PPP4R2: variants seen among roughly 807,000 people sequenced by gnomAD.
PPP4R2 encodes serine/threonine-protein phosphatase 4 regulatory subunit 2.
PPP4R2 carries 13 observed loss-of-function variants against 47.2 expected under a neutral mutation model. The observed-to-expected ratio is 0.28, with a 90% confidence interval of 0.18 to 0.44. The LOEUF is 0.44. PPP4R2 is among the 20% of genes least tolerant of loss of function. PPP4R2 has a pLI of 1.00. For synonymous variants in PPP4R2, 151 were observed against 163.3 expected, an observed-to-expected ratio of 0.92 and a Z score of 0.57; for missense variants, 421 against 491.2, an observed-to-expected ratio of 0.86 and a Z score of 1.35.
intron 2 of PPP4R2, among the ~76,000 whole-genome samples, chr3:73,007,834 G>A (rs755590): frequency 0.39 from 58,562 of 151,986 alleles, 11,701 homozygotes; most frequent in African/African-American, 0.44. Context: ...TTTGTCTAAC[G>A]TAGTATTTCT....
chr3:73,062,208 A>C, intron 5 of PPP4R2: 2 of 1,586,078 alleles, frequency 1.3e-6, no homozygotes, highest in Non-Finnish European at 1.7e-6. Context: ...ATTAAGTCGG[A>C]ACCAATTTTC....
intron 3 of PPP4R2, among the ~76,000 whole-genome samples, chr3:73,058,388 TTG>T (rs1702771321): frequency 6.6e-6 from 1 of 152,110 alleles, no homozygotes; most frequent in African/African-American, 2.4e-5. Context: ...TGATTATTAT[TTG>T]TGTTACCTCT....
chr3:73,066,484 C>T lies in PPP4R2; in HGVS notation c.*762C>T, dbSNP rs573002292. 4.6e-5 allele frequency: 7 copies of T among 151,986 alleles called. No homozygotes were observed. The East Asian group carries it at 1.2e-3, about 25-fold the overall frequency. 9.4% of individuals were successfully genotyped at this position (151,986 alleles called of 1,614,324 possible). ...CAAGAGATCTGTTCAAACTCAAATT[C>T]TTTTGTATACTTCTGAGGTGCCTGA... On this transcript the variant is annotated 3_prime_UTR_variant, in exon 9 of 9. Transcript: ENST00000356692.
intron 2 of PPP4R2, among the ~76,000 whole-genome samples, chr3:73,041,363 A>C (rs1246104533): frequency 1.3e-5 from 2 of 152,216 alleles, no homozygotes; most frequent in African/African-American, 4.8e-5. Context: ...AATTTTATGT[A>C]AGCAACTCAG....
intron 2 of PPP4R2, among the ~76,000 whole-genome samples, chr3:73,039,145 C>CT (rs1231536824): frequency 2.0e-5 from 3 of 152,090 alleles, no homozygotes; most frequent in Non-Finnish European, 4.4e-5. Context: ...TTTTATGAGA[C>CT]TGAGTTTTGC....
intron 2 of PPP4R2, chr3:73,016,016 T>C (rs892032551): frequency 2.2e-5 from 4 of 182,036 alleles, no homozygotes; most frequent in Non-Finnish European, 4.7e-5. Flanking sequence ...ATCTGCCTGC[T>C]TCGGCCTCCC....
rs57719588 is a variant in PPP4R2 at position 73,034,846 on chromosome 3, T to TAAAAAA, written c.117-12332_117-12327dup. Among the ~76,000 whole-genome samples, 668 of 147,258 alleles carry TAAAAAA rather than the reference T, an allele frequency of 4.5e-3. 2 individuals carry two copies. The highest frequency in any genetic ancestry group is 0.016 in the African/African-American group (626 of 40,054). The stretch of plus-strand genomic sequence containing the variant: ...CTCTGCCTGGCCCTAGTTTTGTTCT[T>TAAAAAA]AAAAAAAAAAAAACATTTCCAACAG... On this transcript the variant is annotated intron_variant, in intron 2 of 8. Coordinates refer to ENST00000356692, the MANE Select transcript of PPP4R2 (RefSeq NM_174907.4).
intron 2 of PPP4R2, among the ~76,000 whole-genome samples, chr3:73,039,966 A>AT (rs1206429580): frequency 6.6e-6 from 1 of 152,202 alleles, no homozygotes; most frequent in Admixed American, 6.5e-5. Flanking sequence ...AGGCAGGAGA[A>AT]TTGCTTGAAC....
chr3:73,030,351 A>C (rs374804767), intron 2 of PPP4R2, among the ~76,000 whole-genome samples: 1 of 152,168 alleles, frequency 6.6e-6, no homozygotes, highest in African/African-American at 2.4e-5. Flanking sequence ...AACTGGTGGG[A>C]CCCTGGAAAT....
At chr3:73,001,708 G>T (rs559469338) in intron 2 of PPP4R2, among the ~76,000 whole-genome samples, 1 of 151,814 alleles carries the variant, frequency 6.6e-6, no homozygotes, top group Admixed American at 6.6e-5. Context: ...GCGCGATCTC[G>T]GCTCACTTCA....
chr3:73,063,197 C>T (rs1168424308), intron 5 of PPP4R2: 3 of 397,436 alleles, frequency 7.5e-6, no homozygotes, highest in Non-Finnish European at 1.4e-5. Flanking sequence ...GATGTTATAC[C>T]AGGATCAACC....
chr3:73,050,550 C>T (rs1702589626), intron 3 of PPP4R2, among the ~76,000 whole-genome samples: 1 of 152,034 alleles, frequency 6.6e-6, no homozygotes, highest in South Asian at 2.1e-4. Flanking sequence ...CACTCCTCCC[C>T]CCATTTGTAA....
intron 2 of PPP4R2, among the ~76,000 whole-genome samples, chr3:73,010,724 G>A (rs1701707021): frequency 6.6e-6 from 1 of 151,938 alleles, no homozygotes; most frequent in East Asian, 1.9e-4. Flanking sequence ...GCTAATTTTT[G>A]TATTTTTAGT....
At chr3:73,047,960 T>C (rs905583848) in intron 3 of PPP4R2, among the ~76,000 whole-genome samples, 1 of 152,250 alleles carries the variant, frequency 6.6e-6, no homozygotes, top group African/African-American at 2.4e-5. Flanking sequence ...CGCTGCAGTC[T>C]CTGTCTCCTG....
chr3:73,009,217 G>T (rs1701674325), intron 2 of PPP4R2, among the ~76,000 whole-genome samples: 1 of 152,166 alleles, frequency 6.6e-6, no homozygotes, highest in South Asian at 2.1e-4. Context: ...TGTTTGTCTG[G>T]GGGTGGTATT....
chr3:73,042,363 T>C (rs1702397157), intron 2 of PPP4R2, among the ~76,000 whole-genome samples: 1 of 4,174 alleles, frequency 2.4e-4, no homozygotes, highest in African/African-American at 6.3e-4. Context: ...TATAATTTCT[T>C]TTTTTTTTTT....
intron 2 of PPP4R2, among the ~76,000 whole-genome samples, chr3:73,031,239 A>G (rs999799017): frequency 7.9e-5 from 12 of 152,130 alleles, no homozygotes; most frequent in African/African-American, 7.2e-5. Context: ...GTTAGTTGAC[A>G]TATTTCATTT....
intron 2 of PPP4R2, among the ~76,000 whole-genome samples, chr3:73,006,753 A>G (rs1034472847): frequency 2.6e-5 from 4 of 152,208 alleles, no homozygotes; most frequent in Non-Finnish European, 4.4e-5. Context: ...ACTCATTGCT[A>G]GAGTTGGCAA....
intron 2 of PPP4R2, among the ~76,000 whole-genome samples, chr3:73,016,630 C>T (rs551915176): frequency 1.7e-4 from 26 of 151,690 alleles, no homozygotes; most frequent in South Asian, 8.3e-4. Flanking sequence ...CTATTTGAGA[C>T]GGTAAAGTAT....
Sources: allele counts gnomAD v4.1 joint callset (sites outside exome capture counted in the v4.1 genomes callset), GRCh38; gene constraint gnomAD v4.1.1; transcripts MANE v1.5; gene names NCBI Gene and HGNC (gene_info 2026-07-23, HGNC 2026-07-21).